The following GDPD1 variants were observed in gnomAD, a reference collection of about 807,000 sequenced individuals.
GDPD1 encodes the protein glycerophosphodiester phosphodiesterase domain containing 1.
Under a neutral mutation model 45.1 loss-of-function variants are expected in GDPD1, and 28 were observed. The observed-to-expected ratio is 0.62, with a 90% CI of 0.46 to 0.85. The LOEUF (loss-of-function observed/expected upper bound fraction) is 0.85. GDPD1 is among the 40% of genes least tolerant of loss of function. The pLI, the probability that GDPD1 is intolerant of heterozygous loss-of-function variation, is 0.00. For missense variants in GDPD1, 256 were observed against 364.8 expected, an observed-to-expected ratio of 0.70 and a Z score of 2.43; for synonymous variants, 139 against 131.4, an observed-to-expected ratio of 1.06 and a Z score of -0.40.
chr17:59,258,440 G>A (rs1047757414), intron 6 of GDPD1, among the ~76,000 whole-genome samples: 1 of 152,036 alleles, frequency 6.6e-6, no homozygotes, highest in African/African-American at 2.4e-5. Flanking sequence ...CTACTCAGGA[G>A]GCTGAGGCAG....
intron 6 of GDPD1, 34 bp from the exon 7 acceptor site, chr17:59,267,007 A>C (rs745769603): frequency 1.9e-6 from 3 of 1,554,480 alleles, no homozygotes; most frequent in Non-Finnish European, 2.6e-6. Flanking sequence ...GAGCAGTTGT[A>C]AAAATAACAT....
chr17:59,273,397 G>T lies in GDPD1; in HGVS notation c.823-254G>T, dbSNP rs1015259993. The stretch of plus-strand genomic sequence containing the variant: ...CCTGCCTTGGCCTCCCAAAGTGCTG[G>T]AATTACAGGCGTGAGCCACCGCGCT... On this transcript the variant is annotated intron_variant, in intron 9 of 9. Transcript: ENST00000284116. Among the ~76,000 whole-genome samples, 6 of 152,092 alleles carry T rather than the reference G, an allele frequency of 3.9e-5. 1 individual carries two copies. In the South Asian group the frequency reaches 1.2e-3, roughly 31 times the overall value.
At position 59,220,519 on chromosome 17, in the gene GDPD1, C is replaced by G; in HGVS notation, c.-91C>G. On this transcript the variant is annotated 5_prime_UTR_variant, in exon 1 of 10. Transcript: ENST00000284116. Reference sequence around the variant, plus strand: ...TGGCACCGGCTGGGGGCGAGCCGACCTCGAGCAGCCGCCGCCGCCGCCGTC... The same window carrying G: ...TGGCACCGGCTGGGGGCGAGCCGACGTCGAGCAGCCGCCGCCGCCGCCGTC... 1 of 1,445,210 alleles carries G rather than the reference C, an allele frequency of 6.9e-7. No individual in the cohort carries two copies. Among genetic ancestry groups the G allele is most frequent in the Non-Finnish European group, 9.5e-7 (1 of 1,056,104 alleles). The allele number at this position is 1,445,210 out of a possible 1,614,324, so 89.5% of individuals were successfully genotyped here. A position where few individuals can be genotyped will look rare whatever the true frequency, so the allele number is the denominator to read the frequency against.
At chr17:59,232,033 T>C (rs963070804) in intron 1 of GDPD1, among the ~76,000 whole-genome samples, 1 of 152,206 alleles carries the variant, frequency 6.6e-6, no homozygotes, top group African/African-American at 2.4e-5. Context: ...GGCACAACTC[T>C]GGCCTTTGAC....
rs753133007 is a variant in GDPD1, at chr17:59,220,625, G to C, written c.16G>C (p.Ala6Pro). The change falls in exon 1 of 10, where the codon GCT becomes CCT. Residue 6 changes from alanine to proline, a missense_variant. Transcript: ENST00000284116. The part of the protein sequence containing the change: MSSTA[A>P]FYLLSTLGGY... ...GGTGACTGAGATGTCGTCCACTGCG[G>C]CTTTTTACCTTCTCTCTACGCTAGG... The C allele has an allele frequency of 1.9e-6, 3 of 1,613,770 alleles. No homozygotes were observed. The highest frequency in any genetic ancestry group is 2.5e-6 in the Non-Finnish European group (3 of 1,179,846).
At chr17:59,255,853 ACACG>A (rs1455088434) in intron 4 of GDPD1, among the ~76,000 whole-genome samples, 20 of 85,632 alleles carry the variant, frequency 2.3e-4, no homozygotes, top group African/African-American at 1.5e-3. Context: ...ATATATATAC[ACACG>A]TATATATATA....
chr17:59,235,057 A>G (rs1191675514), intron 2 of GDPD1, among the ~76,000 whole-genome samples: 1 of 151,946 alleles, frequency 6.6e-6, no homozygotes, highest in Non-Finnish European at 1.5e-5. Flanking sequence ...CCTCACAGAG[A>G]AGCAGCAGGA....
intron 6 of GDPD1, among the ~76,000 whole-genome samples, chr17:59,264,356 C>T (rs763991932): frequency 3.3e-5 from 5 of 151,818 alleles, no homozygotes; most frequent in Non-Finnish European, 7.4e-5. Context: ...TGCAGTGGCA[C>T]GATCTCAGCT....
At chr17:59,260,226 C>T (rs2047344875) in intron 6 of GDPD1, among the ~76,000 whole-genome samples, 1 of 151,586 alleles carries the variant, frequency 6.6e-6, no homozygotes, top group African/African-American at 2.4e-5. Context: ...ATCTATCTAC[C>T]CACTGAAAAT....
intron 2 of GDPD1, among the ~76,000 whole-genome samples, chr17:59,235,433 A>G (rs9897214): frequency 7.8e-4 from 118 of 152,176 alleles, no homozygotes; most frequent in African/African-American, 2.8e-3. Flanking sequence ...CCTAAATCCT[A>G]TCTTCCTTGT....
At chr17:59,234,387 C>CCA in intron 1 of GDPD1, 105 bp from the exon 2 acceptor site, 17 of 565,984 alleles carry the variant, frequency 3.0e-5, no homozygotes, top group South Asian at 9.1e-5. Flanking sequence ...TGTCTACCCC[C>CCA]AAAAAAAAAA....
intron 6 of GDPD1, among the ~76,000 whole-genome samples, chr17:59,259,647 G>A (rs1291273212): frequency 5.3e-5 from 8 of 150,202 alleles, no homozygotes; most frequent in Non-Finnish European, 1.2e-4. Context: ...TTCTAGGGAG[G>A]CTGAGGCAGG....
intron 6 of GDPD1, 81 bp downstream of exon 6, chr17:59,257,921 T>C: frequency 1.1e-6 from 1 of 935,358 alleles, no homozygotes; most frequent in East Asian, 3.2e-5. Context: ...ATAGTAATAA[T>C]TTTTTTTCTT....
At chr17:59,220,839 C>T (rs2046998376) in intron 1 of GDPD1, 88 bp downstream of exon 1, 2 of 1,445,496 alleles carry the variant, frequency 1.4e-6, no homozygotes, top group Non-Finnish European at 1.9e-6. Flanking sequence ...GGTGCCAATC[C>T]CTGAGAGTTT....
At chr17:59,231,366 G>A (rs537414465) in intron 1 of GDPD1, among the ~76,000 whole-genome samples, 23 of 125,060 alleles carry the variant, frequency 1.8e-4, no homozygotes, top group African/African-American at 7.1e-4. Context: ...TTGCTCTGTC[G>A]CCCAGGCTGG....
intron 7 of GDPD1, among the ~76,000 whole-genome samples, chr17:59,270,390 G>A (rs1360331027): frequency 6.6e-6 from 1 of 151,462 alleles, no homozygotes; most frequent in Admixed American, 6.6e-5. Flanking sequence ...GACGGGGGGG[G>A]GTTTCACTAT....
At chr17:59,255,730 C>A (rs1221899828) in intron 4 of GDPD1, among the ~76,000 whole-genome samples, 1 of 81,126 alleles carries the variant, frequency 1.2e-5, no homozygotes, top group Admixed American at 1.6e-4. Flanking sequence ...GCAACAAGAA[C>A]GAAACTCCGT....
chr17:59,234,357 A>T, intron 1 of GDPD1, 135 bp from the exon 2 acceptor site: 1 of 609,962 alleles, frequency 1.6e-6, no homozygotes, highest in Non-Finnish European at 2.9e-6. Context: ...TCTCAAAAAA[A>T]CCCAAAAAAA....
At chr17:59,224,938 C>A (rs1440845517) in intron 1 of GDPD1, among the ~76,000 whole-genome samples, 1 of 152,128 alleles carries the variant, frequency 6.6e-6, no homozygotes, top group Non-Finnish European at 1.5e-5. Flanking sequence ...ATATGAGAAT[C>A]TTGCTGCTTT....
Sources: allele counts gnomAD v4.1 joint callset (sites outside exome capture counted in the v4.1 genomes callset), GRCh38; gene constraint gnomAD v4.1.1; transcripts MANE v1.5; gene names NCBI Gene and HGNC (gene_info 2026-07-23, HGNC 2026-07-21).